GRIN2A: variants seen among roughly 807,000 people sequenced by gnomAD.
GRIN2A encodes glutamate ionotropic receptor NMDA type subunit 2A.
In GRIN2A, 22 loss-of-function variants were observed where a neutral mutation model predicts 113.4. The ratio of observed to expected loss-of-function variants is 0.19; its 90% confidence interval spans 0.14 to 0.28. The LOEUF is 0.28. GRIN2A is among the 10% of genes least tolerant of loss of function. The probability of loss-of-function intolerance (pLI) is 1.00; values close to 1 mark genes in which losing one functional copy is unlikely to be tolerated. For missense variants in GRIN2A, 1,502 were observed against 1,887.0 expected (o/e 0.80, Z 3.78); for synonymous variants, 827 against 738.4 (o/e 1.12, Z -1.94).
chr16:10,094,638 C>T (rs2048250208), intron 2 of GRIN2A, among the ~76,000 whole-genome samples: 1 of 151,970 alleles, frequency 6.6e-6, no homozygotes, highest in African/African-American at 2.4e-5. Flanking sequence ...TTAGTAGAGA[C>T]AGGGTTTCAC....
intron 2 of GRIN2A, among the ~76,000 whole-genome samples, chr16:10,069,023 G>C (rs1057004112): frequency 6.6e-6 from 1 of 152,152 alleles, no homozygotes; most frequent in Non-Finnish European, 1.5e-5. Flanking sequence ...AGACAGGTGG[G>C]TAAGGACCCC....
At chr16:9,879,278 A>C (rs998645800) in intron 4 of GRIN2A, among the ~76,000 whole-genome samples, 7 of 152,318 alleles carry the variant, frequency 4.6e-5, no homozygotes, top group South Asian at 2.1e-4. Context: ...TGGGAGAAGA[A>C]AGAAAAGAAG....
At chr16:10,052,663 C>G (rs2047378934) in intron 2 of GRIN2A, among the ~76,000 whole-genome samples, 1 of 152,182 alleles carries the variant, frequency 6.6e-6, no homozygotes, top group Admixed American at 6.5e-5. Flanking sequence ...AAGAAAAGAT[C>G]TGTTGAGGCA....
rs2047591533 is a variant in GRIN2A, at chr16:10,063,548, T to TAA, written c.414+116449_414+116450insTT. Among the ~76,000 whole-genome samples the TAA allele has an allele frequency of 2.6e-5, 4 of 152,330 alleles. No individual in the cohort carries two copies. The South Asian group carries it at 8.3e-4, about 32-fold the overall frequency. On this transcript the variant is annotated intron_variant, in intron 2 of 12. Coordinates refer to ENST00000330684, the MANE Select transcript of GRIN2A (RefSeq NM_001134407.3). ...TAACATGAGAAGGAAATAAAATTCT[T>TAA]ACTTAAGCCATTGATAATCTGGATT...
At chr16:9,951,027 C>T (rs752471059) in intron 2 of GRIN2A, among the ~76,000 whole-genome samples, 9 of 152,188 alleles carry the variant, frequency 5.9e-5, no homozygotes, top group East Asian at 1.9e-4. Flanking sequence ...CCACTGACAA[C>T]GTGCACCTCC....
chr16:10,056,679 A>G (rs1226606155), intron 2 of GRIN2A, among the ~76,000 whole-genome samples: 2 of 152,164 alleles, frequency 1.3e-5, no homozygotes, highest in Non-Finnish European at 2.9e-5. Flanking sequence ...ACACACAAGG[A>G]GAAGGCCACA....
chr16:10,058,117 T>C (rs2047486222), intron 2 of GRIN2A, among the ~76,000 whole-genome samples: 1 of 151,670 alleles, frequency 6.6e-6, no homozygotes, highest in South Asian at 2.1e-4. Context: ...CAGCTGGGCG[T>C]GGTGGTGCAG....
chr16:10,020,978 C>A lies in GRIN2A; in HGVS notation c.415-82427G>T, dbSNP rs570840242. ...GATGTCACCACTTCCCCAAACTTCTCCCTCTCACCTCCAAGTTTGTGCTAA... is the reference window on the plus strand; with the variant it reads ...GATGTCACCACTTCCCCAAACTTCTACCTCTCACCTCCAAGTTTGTGCTAA... On this transcript the variant is annotated intron_variant, in intron 2 of 12. Transcript: ENST00000330684. 3.3e-5 allele frequency among the ~76,000 whole-genome samples: 5 copies of A among 152,304 alleles called. No individual in the cohort carries two copies. In the South Asian group the frequency reaches 1.0e-3, roughly 32 times the overall value.
chr16:9,780,290 C>T (rs970233728), intron 11 of GRIN2A, among the ~76,000 whole-genome samples: 3 of 152,032 alleles, frequency 2.0e-5, no homozygotes, highest in Non-Finnish European at 4.4e-5. Flanking sequence ...TGCCTTTGTG[C>T]ACAAGAAAGG....
chr16:10,163,186 G>A (rs968023741), intron 2 of GRIN2A, among the ~76,000 whole-genome samples: 2 of 152,196 alleles, frequency 1.3e-5, no homozygotes, highest in African/African-American at 2.4e-5. Context: ...GGAGTGGGCG[G>A]TGGCATGGAC....
intron 2 of GRIN2A, among the ~76,000 whole-genome samples, chr16:10,130,231 T>C (rs1224276838): frequency 6.6e-6 from 1 of 152,114 alleles, no homozygotes. Flanking sequence ...AGGGTTCAAA[T>C]GGTAAAGCAA....
rs2142385940 is a variant in GRIN2A at position 10,179,752 on chromosome 16, C to T, written c.414+246G>A. ...TACTTCTCAGTTTTCTGAGCGCTTC[C>T]TGGCACACACACACCAAAGTGCTCC... On this transcript the variant is annotated intron_variant, in intron 2 of 12. Coordinates refer to ENST00000330684, the MANE Select transcript of GRIN2A (RefSeq NM_001134407.3). 3 of 556,864 alleles carry T rather than the reference C, an allele frequency of 5.4e-6. No homozygotes were observed. In the East Asian group the frequency reaches 9.2e-5, roughly 17 times the overall value. The allele number at this position is 556,864 out of a possible 1,614,324, so 34.5% of individuals were successfully genotyped here.
At position 9,882,774 on chromosome 16, in the gene GRIN2A, A is replaced by C. The variant is rs562642609; in HGVS notation, c.1122+8212T>G. On this transcript the variant is annotated intron_variant, in intron 4 of 12. Transcript: ENST00000330684. ...CACTCCAGCCTGGTAACAGAGTGAG[A>C]CCATGTCTCTAAAAAAAAGTTAAAA... 1.1e-3 allele frequency among the ~76,000 whole-genome samples: 165 copies of C among 152,098 alleles called. 2 individuals are homozygous for C. The highest frequency in any genetic ancestry group is 1.7e-3 in the Non-Finnish European group (117 of 68,008).
At chr16:9,786,187 A>G (rs910083582) in intron 11 of GRIN2A, among the ~76,000 whole-genome samples, 1 of 152,224 alleles carries the variant, frequency 6.6e-6, no homozygotes, top group Non-Finnish European at 1.5e-5. Flanking sequence ...TCTGTGGGGA[A>G]CAAGCAATTC....
intron 2 of GRIN2A, among the ~76,000 whole-genome samples, chr16:10,091,532 A>G (rs1213509631): frequency 6.6e-6 from 1 of 152,096 alleles, no homozygotes; most frequent in African/African-American, 2.4e-5. Flanking sequence ...GTATACCTGT[A>G]GTCCCAGCTA....
intron 2 of GRIN2A, among the ~76,000 whole-genome samples, chr16:10,168,975 CAATAATAATAAT>C (rs59963663): frequency 0.016 from 2,205 of 141,522 alleles, 17 homozygotes; most frequent in Middle Eastern, 0.025. Context: ...CAAATAATAA[CAATAATAATAAT>C]AATAATAATA....
At chr16:9,977,546 G>A (rs1037603387) in intron 2 of GRIN2A, among the ~76,000 whole-genome samples, 7 of 152,134 alleles carry the variant, frequency 4.6e-5, no homozygotes, top group African/African-American at 1.4e-4. Flanking sequence ...CTGTGCGCAC[G>A]CTAGGTGCTC....
chr16:9,822,544 T>C, intron 9 of GRIN2A, 120 bp from the exon 10 acceptor site: 4 of 738,346 alleles, frequency 5.4e-6, no homozygotes, highest in Non-Finnish European at 9.8e-6. Context: ...GGTAAATGCA[T>C]GCATTAGGGC....
chr16:9,856,829 G>T (rs1329286675), intron 4 of GRIN2A, among the ~76,000 whole-genome samples: 2 of 151,572 alleles, frequency 1.3e-5, no homozygotes, highest in Non-Finnish European at 2.9e-5. Context: ...ACCAGGATGT[G>T]AACCCAGGAC....
Sources: allele counts gnomAD v4.1 joint callset (sites outside exome capture counted in the v4.1 genomes callset), GRCh38; gene constraint gnomAD v4.1.1; transcripts MANE v1.5; gene names NCBI Gene and HGNC (gene_info 2026-07-23, HGNC 2026-07-21).